EML1: variants seen among roughly 807,000 people sequenced by gnomAD.
The protein encoded by EML1 is EMAP like 1, also known as echinoderm microtubule-associated protein-like 1.
In EML1, 27 loss-of-function variants were observed where a neutral mutation model predicts 110.4. The observed-to-expected ratio is 0.24, with a 90% CI of 0.18 to 0.34. The LOEUF (loss-of-function observed/expected upper bound fraction) is 0.34. EML1 is among the 10% of genes least tolerant of loss of function. The pLI is 1.00. For missense variants in EML1, 741 were observed against 1,030.9 expected, an observed-to-expected ratio of 0.72 and a Z score of 3.85; for synonymous variants, 344 against 385.8, an observed-to-expected ratio of 0.89 and a Z score of 1.27.
chr14:99,747,733 G>A (rs930010282), intron 1 of EML1, among the ~76,000 whole-genome samples: 1 of 152,092 alleles, frequency 6.6e-6, no homozygotes, highest in Non-Finnish European at 1.5e-5. Context: ...TCGGAGTAAG[G>A]ACACCTGCCA....
rs546453949 is a variant in EML1 at position 99,898,530 on chromosome 14, A to T, written c.897+228A>T. Among the ~76,000 whole-genome samples the T allele has an allele frequency of 2.6e-5, 4 of 152,288 alleles. 1 individual carries two copies. Among genetic ancestry groups the T allele is most frequent in the Admixed American group, 2.6e-4 (4 of 15,294 alleles). On this transcript the variant is annotated intron_variant, in intron 8 of 21. Coordinates refer to ENST00000262233, the MANE Select transcript of EML1 (RefSeq NM_004434.3). ...ACTTTGGGATGCCAAGGCAGGCTGG[A>T]TCTCTTGAGGTCAGAAGTTTGAGAC...
chr14:99,794,108 G>T (rs1219860944), intron 1 of EML1, among the ~76,000 whole-genome samples: 1 of 152,116 alleles, frequency 6.6e-6, no homozygotes, highest in Non-Finnish European at 1.5e-5. Flanking sequence ...CCTCAGTGTT[G>T]CTTCTTATTT....
At chr14:99,914,430 G>A in intron 14 of EML1, 126 bp downstream of exon 14, 1 of 1,528,696 alleles carries the variant, frequency 6.5e-7, no homozygotes, top group Non-Finnish European at 8.8e-7. Context: ...GTCTGTGGCT[G>A]CTGAAAGATG....
intron 1 of EML1, among the ~76,000 whole-genome samples, chr14:99,818,712 G>A (rs947457676): frequency 6.6e-6 from 1 of 150,662 alleles, no homozygotes; most frequent in Non-Finnish European, 1.5e-5. Flanking sequence ...TCGTGGTTGA[G>A]GGCCCCCTTG....
At chr14:99,780,021 A>C (rs2057522756) in intron 1 of EML1, among the ~76,000 whole-genome samples, 1 of 152,102 alleles carries the variant, frequency 6.6e-6, no homozygotes, top group Admixed American at 6.5e-5. Flanking sequence ...GAGTGCCAGC[A>C]TGGTTGGTTC....
intron 1 of EML1, among the ~76,000 whole-genome samples, chr14:99,804,349 T>G (rs1396190959): frequency 6.6e-6 from 1 of 152,180 alleles, no homozygotes; most frequent in East Asian, 1.9e-4. Context: ...ATGCTGGCTT[T>G]AAAGAGTGCT....
chr14:99,896,609 C>A (rs1353023791), intron 6 of EML1, among the ~76,000 whole-genome samples: 2 of 152,142 alleles, frequency 1.3e-5, no homozygotes, highest in African/African-American at 4.8e-5. Flanking sequence ...TATTTGGCAT[C>A]TTGCCGGGTT....
At chr14:99,880,511 G>C (rs1185317860) in intron 4 of EML1, among the ~76,000 whole-genome samples, 1 of 152,164 alleles carries the variant, frequency 6.6e-6, no homozygotes, top group Admixed American at 6.5e-5. Flanking sequence ...GGGACACAGG[G>C]AAGGAAAGGA....
intron 1 of EML1, among the ~76,000 whole-genome samples, chr14:99,845,887 T>C (rs1240998329): frequency 6.6e-6 from 1 of 151,762 alleles, no homozygotes; most frequent in Admixed American, 6.6e-5. Flanking sequence ...CCCATCCTAC[T>C]AAAAATACAA....
At chr14:99,812,606 G>A (rs1403856979) in intron 1 of EML1, among the ~76,000 whole-genome samples, 1 of 148,170 alleles carries the variant, frequency 6.7e-6, no homozygotes, top group African/African-American at 2.4e-5. Context: ...TGGCTCAGAG[G>A]TGTCTTCCAT....
intron 17 of EML1, among the ~76,000 whole-genome samples, chr14:99,922,187 C>T (rs2140088158): frequency 6.6e-6 from 1 of 152,102 alleles, no homozygotes; most frequent in African/African-American, 2.4e-5. Context: ...GAGACAGAGC[C>T]TCACTGCAAC....
At chr14:99,776,522 C>A (rs1258144230) in intron 1 of EML1, among the ~76,000 whole-genome samples, 3 of 151,266 alleles carry the variant, frequency 2.0e-5, no homozygotes, top group African/African-American at 7.3e-5. Flanking sequence ...AAAAACAAAA[C>A]CTGTGAAATT....
At position 99,901,155 on chromosome 14, in the gene EML1, T is replaced by C. The variant is rs939910277; in HGVS notation, c.1008+116T>C. 16 of 851,356 alleles carry C rather than the reference T, an allele frequency of 1.9e-5. No homozygotes were observed. In the Admixed American group the frequency reaches 2.1e-4, roughly 11 times the overall value. 52.7% of individuals were successfully genotyped at this position (851,356 alleles called of 1,614,324 possible). On this transcript the variant is annotated intron_variant, in intron 9 of 21. Transcript: ENST00000262233. ...TACCTGCCTGGGTGTATGTACAGAT[T>C]TGGACTCTGAAACATTCCTGCTTCC...
At chr14:99,871,329 G>A (rs1277654683) in intron 3 of EML1, among the ~76,000 whole-genome samples, 4 of 152,012 alleles carry the variant, frequency 2.6e-5, no homozygotes, top group Non-Finnish European at 5.9e-5. Flanking sequence ...TTCTAGAAAG[G>A]ATTCAACATT....
intron 1 of EML1, among the ~76,000 whole-genome samples, chr14:99,846,960 C>G (rs1464736580): frequency 1.3e-5 from 2 of 152,146 alleles, no homozygotes; most frequent in African/African-American, 4.8e-5. Context: ...TTCAGATAAC[C>G]AGATTCTCCT....
intron 15 of EML1, among the ~76,000 whole-genome samples, chr14:99,917,346 G>T (rs1395345831): frequency 6.6e-6 from 1 of 152,146 alleles, no homozygotes; most frequent in Non-Finnish European, 1.5e-5. Context: ...GAGACAGGAG[G>T]ATCACTTGAG....
chr14:99,918,199 G>A (rs1243464128), intron 16 of EML1, among the ~76,000 whole-genome samples: 1 of 152,206 alleles, frequency 6.6e-6, no homozygotes, highest in African/African-American at 2.4e-5. Flanking sequence ...CAGGGCTTAA[G>A]TGATCCTCCC....
chr14:99,742,050 T>C (rs2057049388), intron 1 of EML1, among the ~76,000 whole-genome samples: 1 of 151,762 alleles, frequency 6.6e-6, no homozygotes, highest in African/African-American at 2.4e-5. Context: ...CTCAGAGAGG[T>C]TAAGTATTAG....
intron 1 of EML1, among the ~76,000 whole-genome samples, chr14:99,804,915 T>G (rs1284773328): frequency 6.6e-6 from 1 of 152,208 alleles, no homozygotes; most frequent in African/African-American, 2.4e-5. Context: ...CCTGCTTCCC[T>G]GACCCTTTCC....
Sources: allele counts gnomAD v4.1 joint callset (sites outside exome capture counted in the v4.1 genomes callset), GRCh38; gene constraint gnomAD v4.1.1; transcripts MANE v1.5; gene names NCBI Gene and HGNC (gene_info 2026-07-23, HGNC 2026-07-21).